The following FGD4 variants were observed in gnomAD, a reference collection of about 807,000 sequenced individuals.
The protein encoded by FGD4 is FYVE, RhoGEF and PH domain-containing protein 4.
A neutral mutation model predicts 102.0 loss-of-function variants in FGD4; 42 were observed. The observed-to-expected ratio is 0.41, with a 90% CI of 0.32 to 0.53. FGD4 has a LOEUF of 0.53. Ranked by LOEUF, FGD4 falls within the 20% of genes least tolerant of loss-of-function variation. FGD4 has a pLI of 0.21. For missense variants in FGD4, 902 were observed against 1,078.2 expected (o/e 0.84, Z 2.29); for synonymous variants, 380 against 375.7 (o/e 1.01, Z -0.13).
rs544548222 is a variant in FGD4 at position 32,600,664 on chromosome 12, G to A, written c.1102-614G>A. ...GAGACTTTTCCCCCTACATATCAGT[G>A]TTTTACATTACTATGCATTATTATT... is the stretch of plus-strand genomic sequence containing the variant. On this transcript the variant is annotated intron_variant, in intron 5 of 16. Coordinates refer to ENST00000534526, the MANE Select transcript of FGD4 (RefSeq NM_001370298.3). Among the ~76,000 whole-genome samples, 5 of 140,942 alleles carry A rather than the reference G, an allele frequency of 3.5e-5. 1 individual carries two copies. The highest frequency in any genetic ancestry group is 2.3e-4 in the Admixed American group (3 of 13,136). The allele number at this position is 140,942 out of a possible 152,430, so 92.5% of individuals were successfully genotyped here.
At chr12:32,405,007 C>T (rs1469112242) in intron 1 of FGD4, among the ~76,000 whole-genome samples, 1 of 152,124 alleles carries the variant, frequency 6.6e-6, no homozygotes, top group African/African-American at 2.4e-5. Flanking sequence ...AATCTCGGCT[C>T]ACTTCAAGCT....
chr12:32,590,200 CA>C (rs965910017), intron 4 of FGD4, among the ~76,000 whole-genome samples: 1 of 150,776 alleles, frequency 6.6e-6, no homozygotes, highest in African/African-American at 2.4e-5. Flanking sequence ...CCCAGCTACT[CA>C]GTGGGTGCTG....
chr12:32,640,180 G>T lies in FGD4; in HGVS notation c.2455-96G>T, dbSNP rs918118896. The T allele has an allele frequency of 3.1e-6, 5 of 1,588,408 alleles. No homozygotes were observed. In the African/African-American group the frequency reaches 6.7e-5, roughly 21 times the overall value. ...GAGAACTCACCGTTTAAGTCTGTTT[G>T]GGACAGTGGTAGGAAGAGAGGTTTA... On this transcript the variant is annotated intron_variant, in intron 16 of 16. Coordinates refer to ENST00000534526, the MANE Select transcript of FGD4 (RefSeq NM_001370298.3).
chr12:32,439,049 A>G (rs1942336344), intron 1 of FGD4, among the ~76,000 whole-genome samples: 1 of 152,224 alleles, frequency 6.6e-6, no homozygotes, highest in African/African-American at 2.4e-5. Flanking sequence ...ATCATGTTGT[A>G]CAATAGATCT....
In FGD4 at chr12:32,453,233, ATATATTTT is replaced by A. The variant is rs1565749226; in HGVS notation, c.166+53276_166+53283del. 7.1e-4 allele frequency among the ~76,000 whole-genome samples: 44 copies of A among 62,038 alleles called. 1 individual carries two copies. The highest frequency in any genetic ancestry group is 1.0e-3 in the Non-Finnish European group (33 of 32,562). 40.7% of individuals were successfully genotyped at this position (62,038 alleles called of 152,430 possible). On this transcript the variant is annotated intron_variant, in intron 1 of 16. Transcript: ENST00000534526. ...ATATATATATATAATATAGATATAT[ATATATTTT>A]TTTTTTTTTAAATGTAGAGCCTCAC...
intron 10 of FGD4, among the ~76,000 whole-genome samples, chr12:32,615,061 A>G (rs771444693): frequency 5.4e-4 from 82 of 152,250 alleles, no homozygotes; most frequent in Non-Finnish European, 1.9e-4. Flanking sequence ...TAGCCAAAAA[A>G]TTTGAGACAA....
At chr12:32,502,660 T>C (rs139867837) in intron 1 of FGD4, among the ~76,000 whole-genome samples, 22 of 152,320 alleles carry the variant, frequency 1.4e-4, no homozygotes, top group African/African-American at 5.3e-4. Context: ...AATACGCCCA[T>C]GGCCCCAAAC....
chr12:32,517,911 C>G (rs1158498938), intron 1 of FGD4, among the ~76,000 whole-genome samples: 1 of 152,044 alleles, frequency 6.6e-6, no homozygotes, highest in Non-Finnish European at 1.5e-5. Context: ...TGGAAGAATT[C>G]AACTTGAAAT....
intron 1 of FGD4, among the ~76,000 whole-genome samples, chr12:32,462,014 C>T (rs1943117955): frequency 2.0e-5 from 3 of 151,996 alleles, no homozygotes; most frequent in African/African-American, 4.8e-5. Context: ...CATGAGCCAC[C>T]GCGCCTGGCT....
intron 3 of FGD4, 131 bp from the exon 4 acceptor site, chr12:32,581,829 A>G (rs1431334065): frequency 6.4e-6 from 6 of 944,008 alleles, no homozygotes; most frequent in Non-Finnish European, 9.5e-6. Flanking sequence ...ATTCAAATCC[A>G]TGTTTCTGAA....
rs1938788262 is a variant in FGD4 at position 32,506,712 on chromosome 12, C to T, written c.167-57425C>T. 6.6e-6 allele frequency among the ~76,000 whole-genome samples: 1 copy of T among 152,190 alleles called. No homozygotes were observed. The highest frequency in any genetic ancestry group is 2.1e-4 in the South Asian group (1 of 4,828). On this transcript the variant is annotated intron_variant, in intron 1 of 16. Coordinates refer to ENST00000534526, the MANE Select transcript of FGD4 (RefSeq NM_001370298.3). This position sits in a 1 kb window ranked among gnomAD's most constrained non-coding sequence, Gnocchi z 4.5. ...CGTTGCATTCATTCATCAGATATTT[C>T]TTGCACATTTACTCTATGCCATTCC...
intron 4 of FGD4, among the ~76,000 whole-genome samples, chr12:32,593,800 A>G (rs556910692): frequency 1.3e-5 from 2 of 152,366 alleles, no homozygotes; most frequent in South Asian, 2.1e-4. Context: ...GAATCAGAAC[A>G]TAGGATATGA....
At chr12:32,627,703 T>C (rs138625672) in intron 14 of FGD4, among the ~76,000 whole-genome samples, 312 of 152,192 alleles carry the variant, frequency 2.1e-3, no homozygotes, top group African/African-American at 7.2e-3. Flanking sequence ...TAACAAGATA[T>C]AGCAACTCAG....
At chr12:32,417,921 T>C (rs1238285625) in intron 1 of FGD4, among the ~76,000 whole-genome samples, 2 of 34,270 alleles carry the variant, frequency 5.8e-5, no homozygotes, top group Non-Finnish European at 1.0e-4. Context: ...CATATCTCTG[T>C]TTTTTTCCAG....
At chr12:32,603,604 C>G (rs1485191324) in intron 7 of FGD4, among the ~76,000 whole-genome samples, 1 of 152,082 alleles carries the variant, frequency 6.6e-6, no homozygotes, top group Non-Finnish European at 1.5e-5. Flanking sequence ...CCGGGATGAT[C>G]TCTATCTCCT....
intron 10 of FGD4, among the ~76,000 whole-genome samples, chr12:32,615,133 A>C (rs1949371239): frequency 1.3e-5 from 2 of 152,180 alleles, no homozygotes; most frequent in Non-Finnish European, 2.9e-5. Flanking sequence ...ATGAAATAGT[A>C]TATGTCGAGA....
At chr12:32,470,094 A>G (rs1002196481) in intron 1 of FGD4, among the ~76,000 whole-genome samples, 1 of 152,184 alleles carries the variant, frequency 6.6e-6, no homozygotes, top group Non-Finnish European at 1.5e-5. Flanking sequence ...AGTATAATAT[A>G]TTCACATTTT....
chr12:32,625,897 G>T, intron 14 of FGD4, 118 bp downstream of exon 14: 1 of 1,417,536 alleles, frequency 7.1e-7, no homozygotes, highest in Non-Finnish European at 9.9e-7. Flanking sequence ...ATTTATTTTG[G>T]TGCCAATTAC....
chr12:32,587,016 C>T (rs910773894), intron 4 of FGD4, among the ~76,000 whole-genome samples: 1 of 151,762 alleles, frequency 6.6e-6, no homozygotes, highest in African/African-American at 2.4e-5. Context: ...TATGGTGAAA[C>T]CCCATCTCTA....
Sources: allele counts gnomAD v4.1 joint callset (sites outside exome capture counted in the v4.1 genomes callset), GRCh38; gene constraint gnomAD v4.1.1; non-coding constraint Gnocchi (gnomAD v3.1); transcripts MANE v1.5; gene names NCBI Gene and HGNC (gene_info 2026-07-23, HGNC 2026-07-21).